Variants in PTPN13 observed in about 807,000 individuals in gnomAD.
The protein encoded by PTPN13 is protein tyrosine phosphatase non-receptor type 13.
In PTPN13, 191 loss-of-function variants were observed where a neutral mutation model predicts 284.0. The observed-to-expected ratio is 0.67, with a 90% CI of 0.60 to 0.76. The LOEUF (loss-of-function observed/expected upper bound fraction) is 0.76. Among genes scored for constraint, PTPN13 ranks in the 30% least tolerant of loss-of-function variants. PTPN13 has a pLI of 0.00. For synonymous variants in PTPN13, 986 were observed against 1,022.3 expected (o/e 0.96, Z 0.68); for missense variants, 2,797 against 2,939.9 (o/e 0.95, Z 1.12).
At chr4:86,737,126 A>G (rs888097045) in intron 15 of PTPN13, among the ~76,000 whole-genome samples, 2 of 152,072 alleles carry the variant, frequency 1.3e-5, no homozygotes, top group African/African-American at 4.8e-5. Context: ...CTGTAATCCC[A>G]GCTGGTTGGG....
chr4:86,746,866 G>A (rs1478906149), intron 17 of PTPN13, among the ~76,000 whole-genome samples: 2 of 151,994 alleles, frequency 1.3e-5, no homozygotes, highest in Non-Finnish European at 1.5e-5. Context: ...CCTGACCTTC[G>A]TGATCTGCCC....
At chr4:86,707,003 G>A (rs1731845052) in intron 7 of PTPN13, among the ~76,000 whole-genome samples, 1 of 151,922 alleles carries the variant, frequency 6.6e-6, no homozygotes, top group Non-Finnish European at 1.5e-5. Flanking sequence ...TTTTCTAATA[G>A]GAGTATCTGA....
At chr4:86,640,374 G>T (rs1031901819) in intron 2 of PTPN13, among the ~76,000 whole-genome samples, 3 of 152,128 alleles carry the variant, frequency 2.0e-5, no homozygotes, top group Admixed American at 1.3e-4. Context: ...TACTCCAAAG[G>T]TGTTATTGAA....
At chr4:86,596,234 G>C (rs1008409284) in intron 1 of PTPN13, among the ~76,000 whole-genome samples, 1 of 152,152 alleles carries the variant, frequency 6.6e-6, no homozygotes, top group African/African-American at 2.4e-5. Context: ...TGATTTCATA[G>C]TGTTTTTCAC....
chr4:86,749,315 C>A (rs1388931095), intron 17 of PTPN13, among the ~76,000 whole-genome samples: 1 of 151,688 alleles, frequency 6.6e-6, no homozygotes, highest in Non-Finnish European at 1.5e-5. Flanking sequence ...TCATCTTCAT[C>A]ATCATCATCA....
intron 35 of PTPN13, among the ~76,000 whole-genome samples, chr4:86,776,067 T>C (rs993695436): frequency 1.3e-5 from 2 of 152,172 alleles, no homozygotes; most frequent in African/African-American, 4.8e-5. Flanking sequence ...TGCCTCAGCC[T>C]CCCAGGTAGC....
chr4:86,767,867 T>C lies in PTPN13; in HGVS notation c.4380T>C (p.His1460=), dbSNP rs761011477. 2.5e-6 allele frequency: 4 copies of C among 1,604,892 alleles called. No individual in the cohort carries two copies. The highest frequency in any genetic ancestry group is 1.1e-5 in the South Asian group (1 of 89,322). The change falls in exon 28 of 48, where the codon CAT becomes CAC. Residue 1460 remains histidine (H), a synonymous_variant. Transcript: ENST00000411767. Reference sequence around the variant, plus strand: ...GACAATCTCCAACATCTAAAGAACATGTCCCGGTAACCCCACAGTGTACCC... The same window carrying C: ...GACAATCTCCAACATCTAAAGAACACGTCCCGGTAACCCCACAGTGTACCC... ...EKGQSPTSKE[H]VPVTPQCTLS... is the part of the protein sequence containing the mutation.
At chr4:86,739,768 G>A (rs1187220732) in intron 15 of PTPN13, among the ~76,000 whole-genome samples, 1 of 152,160 alleles carries the variant, frequency 6.6e-6, no homozygotes, top group African/African-American at 2.4e-5. Context: ...TTCTGCCTAT[G>A]AGCCTGCAAA....
At chr4:86,659,108 C>T (rs1022581203) in intron 2 of PTPN13, among the ~76,000 whole-genome samples, 1 of 152,012 alleles carries the variant, frequency 6.6e-6, no homozygotes, top group African/African-American at 2.4e-5. Context: ...CCTAGAATAA[C>T]ATTGTCTAAT....
At chr4:86,752,226 G>A (rs2149212144) in intron 19 of PTPN13, among the ~76,000 whole-genome samples, 1 of 152,142 alleles carries the variant, frequency 6.6e-6, no homozygotes, top group South Asian at 2.1e-4. Context: ...TAGGCTCAAG[G>A]TTTGTTAATT....
intron 23 of PTPN13, among the ~76,000 whole-genome samples, chr4:86,761,974 TTTTG>T (rs1477170912): frequency 1.3e-5 from 2 of 152,154 alleles, no homozygotes; most frequent in African/African-American, 4.8e-5. Flanking sequence ...TCAAGTGGCG[TTTTG>T]TTTGTTTGTT....
At chr4:86,784,394 A>C in intron 37 of PTPN13, 71 bp from the exon 38 acceptor site, 3 of 944,440 alleles carry the variant, frequency 3.2e-6, no homozygotes, top group Non-Finnish European at 4.8e-6. Context: ...GGAGAGAGAC[A>C]ATGTGCAGTC....
intron 20 of PTPN13, among the ~76,000 whole-genome samples, chr4:86,756,344 G>A (rs1245085753): frequency 6.6e-6 from 1 of 151,774 alleles, no homozygotes; most frequent in Non-Finnish European, 1.5e-5. Context: ...AGAACTAATT[G>A]CCTATTTTTT....
intron 40 of PTPN13, among the ~76,000 whole-genome samples, chr4:86,789,673 A>G (rs1220002358): frequency 6.6e-6 from 1 of 152,110 alleles, no homozygotes; most frequent in Non-Finnish European, 1.5e-5. Context: ...ATAAAAAAAA[A>G]TCTTAAATAT....
intron 7 of PTPN13, among the ~76,000 whole-genome samples, chr4:86,715,532 C>T (rs1259156311): frequency 3.3e-5 from 5 of 152,052 alleles, no homozygotes; most frequent in East Asian, 1.9e-4. Flanking sequence ...TCCAGCACTG[C>T]GGTAAGCTAT....
intron 37 of PTPN13, 100 bp from the exon 38 acceptor site, chr4:86,784,365 C>A: frequency 4.1e-6 from 3 of 740,636 alleles, no homozygotes; most frequent in Non-Finnish European, 4.4e-6. Context: ...TAAAATGGAT[C>A]TTGTACTAAG....
At chr4:86,627,600 C>T (rs989179015) in intron 1 of PTPN13, among the ~76,000 whole-genome samples, 1 of 151,668 alleles carries the variant, frequency 6.6e-6, no homozygotes, top group African/African-American at 2.4e-5. Context: ...TAAGTTTTGA[C>T]ATATGTATGT....
At position 86,750,805 on chromosome 4, in the gene PTPN13, G is replaced by A. The variant is rs1403445616; in HGVS notation, c.2986G>A (p.Val996Ile). ...TAACATGGAACCCCCACCACAAACC[G>A]TTGCAGAGTTGGTGGGAAAACCTTC... ...IVNMEPPPQT[V>I]AELVGKPSHQ... is the part of the protein sequence containing the mutation. Residue 996 changes from valine (V) to isoleucine (I), a missense_variant, in exon 18 of 48, where the codon GTT becomes ATT. Val to Ile is a conservative substitution (Grantham distance 29, BLOSUM62 3). Coordinates refer to ENST00000411767, the MANE Select transcript of PTPN13 (RefSeq NM_080683.3). The A allele has an allele frequency of 7.4e-6, 12 of 1,613,632 alleles. No homozygotes were observed. Among genetic ancestry groups the A allele is most frequent in the East Asian group, 2.2e-5 (1 of 44,840 alleles).
At chr4:86,595,847 G>A (rs1347972751) in intron 1 of PTPN13, 24 of 708,328 alleles carry the variant, frequency 3.4e-5, no homozygotes, top group Non-Finnish European at 4.1e-5. Flanking sequence ...CTAAAGGATG[G>A]GGGGGGGAGT....
Sources: gnomAD v4.1 joint callset for allele counts (sites outside exome capture counted in the v4.1 genomes callset) on GRCh38, gnomAD v4.1.1 for gene constraint, MANE v1.5 for transcripts, NCBI Gene and HGNC (gene_info 2026-07-23, HGNC 2026-07-21) for gene names.